The following TASP1 variants were observed in gnomAD, a reference collection of about 807,000 sequenced individuals.
TASP1 encodes threonine aspartase 1.
Under a neutral mutation model 56.6 loss-of-function variants are expected in TASP1, and 16 were observed. That is an observed-to-expected ratio of 0.28 (90% CI 0.19 to 0.43). TASP1 has a LOEUF of 0.43. TASP1 is among the 20% of genes least tolerant of loss of function. The probability of loss-of-function intolerance (pLI) is 1.00; values close to 1 mark genes in which losing one functional copy is unlikely to be tolerated. For missense variants in TASP1, 393 were observed against 511.6 expected, an observed-to-expected ratio of 0.77 and a Z score of 2.24; for synonymous variants, 179 against 184.2, an observed-to-expected ratio of 0.97 and a Z score of 0.23.
intron 11 of TASP1, among the ~76,000 whole-genome samples, chr20:13,455,962 T>G (rs942097080): frequency 1.3e-5 from 2 of 152,138 alleles, no homozygotes; most frequent in African/African-American, 4.8e-5. Flanking sequence ...CCAAAAGTGT[T>G]GCAACCAGAT....
At chr20:13,202,819 C>T in the TASP1 span, among the ~76,000 whole-genome samples, 1 of 152,188 alleles carries the variant, frequency 6.6e-6, no homozygotes, top group Non-Finnish European at 1.5e-5. Context: ...GAACAGTTGG[C>T]CACCTGTGAG....
At chr20:13,614,400 C>T (rs1424778747) in intron 4 of TASP1, among the ~76,000 whole-genome samples, 1 of 151,216 alleles carries the variant, frequency 6.6e-6, no homozygotes, top group African/African-American at 2.4e-5. Flanking sequence ...CTTTAAGTGC[C>T]CAAGCTTTTC....
chr20:13,541,889 C>G (rs1220874665), intron 8 of TASP1, among the ~76,000 whole-genome samples: 1 of 151,648 alleles, frequency 6.6e-6, no homozygotes. Flanking sequence ...ACTAAAAATA[C>G]AAAACATGAG....
chr20:13,216,356 G>C, the TASP1 span, among the ~76,000 whole-genome samples: 1 of 152,314 alleles, frequency 6.6e-6, no homozygotes, highest in East Asian at 1.9e-4. Flanking sequence ...TTCATATACA[G>C]CCTCTAAAAC....
At chr20:13,317,629 A>C in the TASP1 span, among the ~76,000 whole-genome samples, 1 of 152,046 alleles carries the variant, frequency 6.6e-6, no homozygotes, top group Non-Finnish European at 1.5e-5. Flanking sequence ...GAGCCAGAGA[A>C]TAGACCTACA....
chr20:13,322,324 T>C, the TASP1 span, among the ~76,000 whole-genome samples: 3 of 152,128 alleles, frequency 2.0e-5, no homozygotes, highest in South Asian at 2.1e-4. Context: ...GAGATACGGG[T>C]TGTTCTAAGA....
At chr20:13,303,552 T>C in the TASP1 span, among the ~76,000 whole-genome samples, 1 of 152,174 alleles carries the variant, frequency 6.6e-6, no homozygotes, top group Non-Finnish European at 1.5e-5. Flanking sequence ...CCTTCCTACA[T>C]GCCCAGGTTC....
intron 1 of TASP1, among the ~76,000 whole-genome samples, chr20:13,637,898 C>G (rs2049367763): frequency 6.6e-6 from 1 of 152,086 alleles, no homozygotes; most frequent in Admixed American, 6.5e-5. Flanking sequence ...GCATGAATAC[C>G]TTAATAAGAC....
chr20:13,375,979 T>C, the TASP1 span, among the ~76,000 whole-genome samples: 1 of 152,110 alleles, frequency 6.6e-6, no homozygotes, highest in Non-Finnish European at 1.5e-5. Context: ...ATATTAGCCC[T>C]TTGTCAGATG....
At chr20:13,445,011 GA>G (rs1438355554) in intron 11 of TASP1, among the ~76,000 whole-genome samples, 2 of 152,180 alleles carry the variant, frequency 1.3e-5, no homozygotes, top group Non-Finnish European at 2.9e-5. Context: ...GAGTTGAATT[GA>G]AAACAGAGTT....
chr20:13,366,668 T>C, the TASP1 span, among the ~76,000 whole-genome samples: 1 of 152,162 alleles, frequency 6.6e-6, no homozygotes, highest in Admixed American at 6.5e-5. Flanking sequence ...AGTCCCTGCA[T>C]AATGTGACAC....
chr20:13,498,637 C>T (rs2043825379), intron 10 of TASP1, among the ~76,000 whole-genome samples: 1 of 151,804 alleles, frequency 6.6e-6, no homozygotes, highest in South Asian at 2.1e-4. Context: ...GGCCACCATG[C>T]CCAGCCTGAA....
intron 11 of TASP1, among the ~76,000 whole-genome samples, chr20:13,481,233 T>C (rs1044576181): frequency 6.6e-6 from 1 of 152,160 alleles, no homozygotes; most frequent in Non-Finnish European, 1.5e-5. Context: ...GTTCCATCCA[T>C]GTTGTTGCAA....
rs2041203970 is a variant in TASP1 at position 13,389,664 on chromosome 20, A to G, written c.*696T>C. On this transcript the variant is annotated 3_prime_UTR_variant, in exon 14 of 14. Transcript: ENST00000337743. ...AGTCCATACAGCTCGAAGCTATGCA[A>G]TATTTAAGCTTAGAAAAGCTTGATG... 1 of 152,840 alleles carries G rather than the reference A, an allele frequency of 6.5e-6. No homozygotes were observed. Among genetic ancestry groups the G allele is most frequent in the South Asian group, 2.1e-4 (1 of 4,822 alleles). The allele number at this position is 152,840 out of a possible 1,614,324, so 9.5% of individuals were successfully genotyped here.
chr20:13,213,720 C>T, the TASP1 span, among the ~76,000 whole-genome samples: 2 of 152,150 alleles, frequency 1.3e-5, no homozygotes, highest in South Asian at 2.1e-4. Context: ...AATGACTTAG[C>T]ATCTCCGTAT....
the TASP1 span, among the ~76,000 whole-genome samples, chr20:13,265,418 G>C: frequency 6.6e-6 from 1 of 152,180 alleles, no homozygotes; most frequent in African/African-American, 2.4e-5. Flanking sequence ...TATGGATTTT[G>C]ATAGATTCAG....
At chr20:13,473,185 T>C (rs997281980) in intron 11 of TASP1, among the ~76,000 whole-genome samples, 7 of 152,242 alleles carry the variant, frequency 4.6e-5, no homozygotes, top group Non-Finnish European at 7.4e-5. Context: ...ATGTCCTTTG[T>C]AGTGACATGG....
At chr20:13,606,394 C>G (rs563796365) in intron 4 of TASP1, among the ~76,000 whole-genome samples, 3 of 152,104 alleles carry the variant, frequency 2.0e-5, no homozygotes, top group Admixed American at 6.6e-5. Context: ...CCCAGCCATT[C>G]CCAACATTCT....
chr20:13,529,328 T>C (rs2045119041), intron 9 of TASP1, among the ~76,000 whole-genome samples: 1 of 152,216 alleles, frequency 6.6e-6, no homozygotes, highest in African/African-American at 2.4e-5. Flanking sequence ...ATGACTTTTC[T>C]GACTTTGGGA....
Sources: gnomAD v4.1 joint callset for allele counts (sites outside exome capture counted in the v4.1 genomes callset) on GRCh38, gnomAD v4.1.1 for gene constraint, MANE v1.5 for transcripts, NCBI Gene and HGNC (gene_info 2026-07-23, HGNC 2026-07-21) for gene names.